WWOX: variants seen among roughly 807,000 people sequenced by gnomAD.
WWOX encodes WW domain containing oxidoreductase.
Under a neutral mutation model 46.2 loss-of-function variants are expected in WWOX, and 69 were observed. The ratio of observed to expected loss-of-function variants is 1.49; its 90% CI spans 1.23 to 1.82. The LOEUF is 1.82. WWOX is among the 40% of genes most tolerant of loss of function. The pLI, the probability that WWOX is intolerant of heterozygous loss-of-function variation, is 0.00. For missense variants in WWOX, 919 were observed against 542.6 expected (o/e 1.69, Z -6.89); for synonymous variants, 359 against 202.6 (o/e 1.77, Z -6.56).
intron 8 of WWOX, among the ~76,000 whole-genome samples, chr16:79,116,412 A>T (rs1282531818): frequency 2.6e-5 from 4 of 152,194 alleles, no homozygotes; most frequent in Non-Finnish European, 1.5e-5. Flanking sequence ...AGTTTATGGA[A>T]TATTCTAAAT....
chr16:78,791,184 G>A (rs1383156576), intron 8 of WWOX, among the ~76,000 whole-genome samples: 1 of 152,164 alleles, frequency 6.6e-6, no homozygotes, highest in Admixed American at 6.5e-5. Context: ...CCATCTGGAT[G>A]TGGGCTGTAT....
At chr16:79,025,471 G>A (rs956161988) in intron 8 of WWOX, among the ~76,000 whole-genome samples, 2 of 152,178 alleles carry the variant, frequency 1.3e-5, no homozygotes, top group African/African-American at 4.8e-5. Flanking sequence ...AGAAGGCACA[G>A]AAGAGAAGGC....
intron 8 of WWOX, among the ~76,000 whole-genome samples, chr16:78,803,063 G>A (rs1308832801): frequency 6.6e-6 from 1 of 151,160 alleles, no homozygotes; most frequent in Non-Finnish European, 1.5e-5. Flanking sequence ...GTATCTAGTA[G>A]GTGCTTTATT....
At chr16:78,116,519 A>G (rs76637224) in intron 4 of WWOX, among the ~76,000 whole-genome samples, 2,174 of 152,198 alleles carry the variant, frequency 0.014, 53 homozygotes, top group African/African-American at 0.049. Flanking sequence ...TTTCAAATCA[A>G]CTCTCATACC....
chr16:78,946,530 G>A (rs971851998), intron 8 of WWOX, among the ~76,000 whole-genome samples: 4 of 152,004 alleles, frequency 2.6e-5, no homozygotes, highest in Non-Finnish European at 4.4e-5. Context: ...GTTTCTAGAT[G>A]CACACAAAAT....
chr16:78,735,672 C>T (rs968520018), intron 8 of WWOX, among the ~76,000 whole-genome samples: 6 of 152,204 alleles, frequency 3.9e-5, no homozygotes, highest in African/African-American at 1.2e-4. Context: ...TCATCTTCTC[C>T]TGGCGTCACC....
chr16:78,663,303 C>T (rs2047259144), intron 8 of WWOX, among the ~76,000 whole-genome samples: 1 of 152,156 alleles, frequency 6.6e-6, no homozygotes, highest in Admixed American at 6.6e-5. Context: ...TGTGTTATTT[C>T]ATGTATTAAT....
intron 8 of WWOX, among the ~76,000 whole-genome samples, chr16:78,916,668 C>G (rs2045259186): frequency 1.3e-5 from 2 of 152,134 alleles, no homozygotes; most frequent in African/African-American, 2.4e-5. Flanking sequence ...TAGTAAAATT[C>G]CATCCCAGGC....
intron 8 of WWOX, among the ~76,000 whole-genome samples, chr16:78,498,681 A>T (rs1257910679): frequency 1.3e-5 from 2 of 152,160 alleles, no homozygotes; most frequent in African/African-American, 4.8e-5. Context: ...ACTTAGGCCG[A>T]TTCCCCATTC....
At chr16:78,580,395 A>G (rs79820893) in intron 8 of WWOX, among the ~76,000 whole-genome samples, 141 of 152,288 alleles carry the variant, frequency 9.3e-4, no homozygotes, top group African/African-American at 3.2e-3. Context: ...ATTTCAGTCA[A>G]TGCTGAGCAC....
At chr16:79,044,534 G>A (rs749433246) in intron 8 of WWOX, among the ~76,000 whole-genome samples, 3 of 152,084 alleles carry the variant, frequency 2.0e-5, no homozygotes, top group African/African-American at 4.8e-5. Context: ...TGCCTGCTCC[G>A]CCTTCTCCTT....
intron 8 of WWOX, among the ~76,000 whole-genome samples, chr16:78,964,313 TG>T (rs1369953848): frequency 6.6e-6 from 1 of 152,204 alleles, no homozygotes; most frequent in Non-Finnish European, 1.5e-5. Flanking sequence ...GATAGCAATA[TG>T]GACAATAATG....
chr16:78,211,293 C>T (rs1434345000), intron 5 of WWOX, among the ~76,000 whole-genome samples: 5 of 152,178 alleles, frequency 3.3e-5, no homozygotes, highest in South Asian at 2.1e-4. Flanking sequence ...GGGACTCACA[C>T]GTCACAAGGA....
chr16:79,040,000 C>G (rs75563201), intron 8 of WWOX, among the ~76,000 whole-genome samples: 1,706 of 152,284 alleles, frequency 0.011, 36 homozygotes, highest in African/African-American at 0.039. Context: ...TCAAAGGTGG[C>G]AGTTACACTA....
intron 5 of WWOX, among the ~76,000 whole-genome samples, chr16:78,221,900 T>C (rs1353519126): frequency 6.6e-6 from 1 of 152,204 alleles, no homozygotes; most frequent in African/African-American, 2.4e-5. Flanking sequence ...GGGTAATTCA[T>C]TGGGCCCTAT....
chr16:78,420,509 C>T (rs559624700), intron 6 of WWOX, among the ~76,000 whole-genome samples: 5 of 152,144 alleles, frequency 3.3e-5, no homozygotes, highest in African/African-American at 1.2e-4. Context: ...GGGACAGAAG[C>T]CAGTCACAAA....
intron 8 of WWOX, among the ~76,000 whole-genome samples, chr16:79,170,619 A>AAAAT: frequency 6.6e-6 from 1 of 151,764 alleles, no homozygotes; most frequent in Admixed American, 6.6e-5. Context: ...TTTTACTTAA[A>AAAAT]CCACACAAAT....
intron 8 of WWOX, among the ~76,000 whole-genome samples, chr16:78,787,754 C>T (rs550650445): frequency 1.1e-4 from 17 of 152,268 alleles, no homozygotes; most frequent in East Asian, 9.7e-4. Context: ...TTGTTTTCCA[C>T]GGAGGCTGCA....
intron 8 of WWOX, among the ~76,000 whole-genome samples, chr16:78,754,330 C>G (rs1456422435): frequency 6.6e-6 from 1 of 151,984 alleles, no homozygotes. Context: ...TTCAGACAGC[C>G]TAAGGTCAGT....
Sources: gnomAD v4.1 joint callset for allele counts (sites outside exome capture counted in the v4.1 genomes callset) on GRCh38, gnomAD v4.1.1 for gene constraint, MANE v1.5 for transcripts, NCBI Gene and HGNC (gene_info 2026-07-23, HGNC 2026-07-21) for gene names.